The following DMXL2 variants were observed in gnomAD, a reference collection of about 807,000 sequenced individuals.
DMXL2 encodes the protein dmX-like protein 2.
DMXL2 carries 103 observed loss-of-function variants against 331.1 expected under a neutral mutation model. The ratio of observed to expected loss-of-function variants is 0.31; its 90% CI spans 0.27 to 0.37. The LOEUF (loss-of-function observed/expected upper bound fraction) is 0.37, where lower values mean the gene tolerates loss of function less well. DMXL2 is among the 10% of genes least tolerant of loss of function. The pLI, the probability that DMXL2 is intolerant of heterozygous loss-of-function variation, is 1.00. For synonymous variants in DMXL2, 1,281 were observed against 1,252.1 expected (o/e 1.02, Z -0.49); for missense variants, 3,171 against 3,642.9 (o/e 0.87, Z 3.33).
intron 13 of DMXL2, among the ~76,000 whole-genome samples, chr15:51,518,721 G>C (rs2047175967): frequency 6.6e-6 from 1 of 152,152 alleles, no homozygotes; most frequent in Non-Finnish European, 1.5e-5. Flanking sequence ...CCAAGGTTGA[G>C]ATCCCCTCAC....
chr15:51,612,156 CTAGATT>C (rs1484245292), intron 1 of DMXL2, among the ~76,000 whole-genome samples: 1 of 152,174 alleles, frequency 6.6e-6, no homozygotes, highest in Non-Finnish European at 1.5e-5. Context: ...AGATACTAGA[CTAGATT>C]TAATTTGTAA....
At chr15:51,493,165 T>G (rs150006462) in intron 19 of DMXL2, among the ~76,000 whole-genome samples, 1 of 152,252 alleles carries the variant, frequency 6.6e-6, no homozygotes, top group East Asian at 1.9e-4. Context: ...GGCAGACTAA[T>G]TTTTTCACTA....
chr15:51,605,210 T>C (rs1399926482), intron 1 of DMXL2, among the ~76,000 whole-genome samples: 3 of 152,118 alleles, frequency 2.0e-5, no homozygotes, highest in African/African-American at 7.2e-5. Context: ...TAAATATATG[T>C]ATTTTTTTTA....
intron 28 of DMXL2, among the ~76,000 whole-genome samples, chr15:51,473,875 T>G (rs997067428): frequency 6.6e-5 from 10 of 152,206 alleles, no homozygotes; most frequent in Admixed American, 3.3e-4. Flanking sequence ...ACTGTGTGTA[T>G]GATTGGAATG....
rs752984947 is a variant in DMXL2 at position 51,480,785 on chromosome 15, ACT to A, written c.6319_6320del (p.Ser2107Ter). On this transcript the variant is annotated frameshift_variant, in exon 24 of 44. Coordinates refer to ENST00000560891, the MANE Select transcript of DMXL2 (RefSeq NM_001378457.1). LOFTEE classifies it high-confidence loss of function. ...CCATTTCTTCCTGATCCAGCAGATC[ACT>A]CTCTACTTTGGAATATGTCTTACTG... The part of the protein sequence containing the change: ...YSSKTYSKVE[S>X]DLLDQEEMVD... The A allele has an allele frequency of 6.2e-7, 1 of 1,604,006 alleles. No individual in the cohort carries two copies. Among genetic ancestry groups the A allele is most frequent in the Non-Finnish European group, 8.5e-7 (1 of 1,173,942 alleles).
Position 51,536,873 on chromosome 15 carries a change from T to C in DMXL2, c.1618-11A>G, listed in dbSNP as rs1014702338. Reference sequence around the variant, plus strand: ...AGAAGAAAAAGAAACCTGAAAAACATAATTATATGATTCAGTGCAAATAGT... The same window carrying C: ...AGAAGAAAAAGAAACCTGAAAAACACAATTATATGATTCAGTGCAAATAGT... On this transcript the variant is annotated splice_polypyrimidine_tract_variant and intron_variant, in intron 11 of 43. Coordinates refer to ENST00000560891, the MANE Select transcript of DMXL2 (RefSeq NM_001378457.1). The C allele has an allele frequency of 1.9e-6, 3 of 1,582,274 alleles. No homozygotes were observed. The highest frequency in any genetic ancestry group is 2.6e-6 in the Non-Finnish European group (3 of 1,168,360).
chr15:51,594,496 C>G (rs542740643), intron 1 of DMXL2, among the ~76,000 whole-genome samples: 4 of 152,276 alleles, frequency 2.6e-5, no homozygotes, highest in African/African-American at 7.2e-5. Context: ...CAAGGAGGAG[C>G]TGGTACCATT....
rs2043769838 is a variant in DMXL2 at position 51,502,815 on chromosome 15, G to A, written c.2983C>T (p.Pro995Ser). The A allele has an allele frequency of 6.2e-7, 1 of 1,613,322 alleles. No homozygotes were observed. The highest frequency in any genetic ancestry group is 8.5e-7 in the Non-Finnish European group (1 of 1,179,320). ...CTTAAAGTGACCTTACCTGCTGAAG[G>A]CGTTGCTCTTATTACTTCAACTGAT... ...PESVEVIRAT[P>S]SAGHLSSSSI... is the part of the protein sequence containing the mutation. Residue 995 changes from proline (P) to serine (S), a missense_variant, in exon 17 of 44, where the codon CCT becomes TCT. Physicochemically the swap from Pro to Ser is moderately conservative, Grantham distance 74 (BLOSUM62 -1). This residue lies in a region of DMXL2 where 1,674 missense variants were observed against 1,780.2 expected (regional missense o/e 0.94). Transcript: ENST00000560891.
rs1450408861 is a variant in DMXL2 at position 51,480,743 on chromosome 15, A to G, written c.6363T>C (p.Ile2121=). 5.6e-6 allele frequency: 9 copies of G among 1,600,556 alleles called. No homozygotes were observed. The Admixed American group carries it at 1.2e-4, about 21-fold the overall frequency. ...CTATTTGATGGCGCTCATAGGAACC[A>G]ATATCTGGTTTGTCTACCATTTCTT... is the stretch of plus-strand genomic sequence containing the variant. The part of the protein sequence containing the change: ...DQEEMVDKPD[I]GSYERHQIER... Residue 2121 remains isoleucine, a synonymous_variant, in exon 24 of 44, where the codon ATT becomes ATC. Coordinates refer to ENST00000560891, the MANE Select transcript of DMXL2 (RefSeq NM_001378457.1).
chr15:51,574,597 A>G (rs1034429770), intron 2 of DMXL2, among the ~76,000 whole-genome samples: 4 of 152,242 alleles, frequency 2.6e-5, no homozygotes, highest in African/African-American at 9.6e-5. Context: ...TCCATTCAAC[A>G]TGTCAATCAA....
intron 31 of DMXL2, 101 bp downstream of exon 31, chr15:51,465,464 AT>A: frequency 3.5e-6 from 3 of 846,764 alleles, no homozygotes; most frequent in Non-Finnish European, 5.8e-6. Context: ...CTAATGCACT[AT>A]TTTTTAAGTA....
intron 13 of DMXL2, among the ~76,000 whole-genome samples, chr15:51,524,354 G>A (rs2047546889): frequency 6.6e-6 from 1 of 152,180 alleles, no homozygotes; most frequent in Non-Finnish European, 1.5e-5. Context: ...AGAGGAAGAT[G>A]GCAGAATAGA....
intron 1 of DMXL2, among the ~76,000 whole-genome samples, chr15:51,612,286 T>C (rs922272258): frequency 5.9e-5 from 9 of 152,264 alleles, no homozygotes; most frequent in African/African-American, 2.2e-4. Context: ...CACTATTTAA[T>C]ACTGCCAGGA....
chr15:51,568,380 C>T, intron 3 of DMXL2, 107 bp downstream of exon 3: 1 of 677,220 alleles, frequency 1.5e-6, no homozygotes, highest in Non-Finnish European at 2.4e-6. Flanking sequence ...TTCACTGATA[C>T]TCTAGTCTAT....
At chr15:51,543,997 A>C (rs1567095577) in intron 8 of DMXL2, among the ~76,000 whole-genome samples, 1 of 152,234 alleles carries the variant, frequency 6.6e-6, no homozygotes, top group Non-Finnish European at 1.5e-5. Flanking sequence ...ATATCTACTT[A>C]AAAATTAAGT....
intron 20 of DMXL2, among the ~76,000 whole-genome samples, chr15:51,490,554 C>T (rs981951870): frequency 6.6e-6 from 1 of 152,172 alleles, no homozygotes; most frequent in African/African-American, 2.4e-5. Context: ...AAGGCACAGG[C>T]TAAATCTAAC....
chr15:51,469,193 C>CT (rs74265738), intron 29 of DMXL2, among the ~76,000 whole-genome samples: 1,948 of 142,518 alleles, frequency 0.014, 28 homozygotes, highest in East Asian at 0.032. Flanking sequence ...ATTTAAAATC[C>CT]TTTTTTTTTT....
intron 29 of DMXL2, among the ~76,000 whole-genome samples, chr15:51,470,979 A>C (rs1003979973): frequency 1.3e-5 from 2 of 152,198 alleles, no homozygotes; most frequent in African/African-American, 4.8e-5. Flanking sequence ...TGATTATGTA[A>C]TAAGCTGACT....
At chr15:51,541,311 G>C (rs1179705268) in intron 9 of DMXL2, among the ~76,000 whole-genome samples, 1 of 151,916 alleles carries the variant, frequency 6.6e-6, no homozygotes, top group Non-Finnish European at 1.5e-5. Flanking sequence ...ACAGGTAATA[G>C]TAATTTTAAT....
Sources: allele counts gnomAD v4.1 joint callset (sites outside exome capture counted in the v4.1 genomes callset), GRCh38; gene constraint gnomAD v4.1.1; regional missense constraint gnomAD v4.1.1; transcripts MANE v1.5; gene names NCBI Gene and HGNC (gene_info 2026-07-23, HGNC 2026-07-21).